Variants in SLMAP observed in about 807,000 individuals in gnomAD.
The protein encoded by SLMAP is sarcolemmal membrane-associated protein.
A neutral mutation model predicts 128.8 loss-of-function variants in SLMAP; 44 were observed. The observed-to-expected ratio is 0.34, with a 90% CI of 0.27 to 0.44. The LOEUF is 0.44. Ranked by LOEUF, SLMAP falls within the 20% of genes least tolerant of loss-of-function variation. The pLI, the probability that SLMAP is intolerant of heterozygous loss-of-function variation, is 1.00. For synonymous variants in SLMAP, 327 were observed against 348.8 expected (o/e 0.94, Z 0.70); for missense variants, 787 against 985.3 (o/e 0.80, Z 2.69).
chr3:57,793,071 C>T (rs940694526), intron 2 of SLMAP, among the ~76,000 whole-genome samples: 2 of 151,880 alleles, frequency 1.3e-5, no homozygotes, highest in Non-Finnish European at 2.9e-5. Context: ...TCCAGGAGGC[C>T]GAAGTTGCAG....
At chr3:57,865,459 G>A (rs918095140) in intron 13 of SLMAP, among the ~76,000 whole-genome samples, 167 bp downstream of exon 13, 3 of 152,062 alleles carry the variant, frequency 2.0e-5, no homozygotes, top group African/African-American at 7.2e-5. Flanking sequence ...TGTAAGAGTT[G>A]ATGCTGTGAT....
chr3:57,777,175 A>AC (rs2082120203), intron 2 of SLMAP, among the ~76,000 whole-genome samples: 1 of 152,026 alleles, frequency 6.6e-6, no homozygotes, highest in South Asian at 2.1e-4. Flanking sequence ...GGTGCAGCAC[A>AC]CCAGCAGGGC....
intron 19 of SLMAP, among the ~76,000 whole-genome samples, chr3:57,911,816 C>T (rs1201812628): frequency 6.7e-6 from 1 of 149,668 alleles, no homozygotes; most frequent in Admixed American, 6.8e-5. Flanking sequence ...GAAAAGGCCT[C>T]TTTAAAGAAT....
intron 2 of SLMAP, among the ~76,000 whole-genome samples, chr3:57,796,945 C>T (rs1245490190): frequency 1.3e-5 from 2 of 151,740 alleles, no homozygotes; most frequent in South Asian, 2.1e-4. Flanking sequence ...TTTGGGAGAC[C>T]GAGGTGAGAG....
At chr3:57,852,622 G>A (rs1236177431) in intron 6 of SLMAP, among the ~76,000 whole-genome samples, 1 of 152,194 alleles carries the variant, frequency 6.6e-6, no homozygotes, top group African/African-American at 2.4e-5. Flanking sequence ...CCATTCAATA[G>A]GAAGGCACAT....
chr3:57,872,976 C>T (rs1289933143), intron 14 of SLMAP, among the ~76,000 whole-genome samples: 4 of 152,076 alleles, frequency 2.6e-5, no homozygotes, highest in Non-Finnish European at 5.9e-5. Flanking sequence ...TGCCCCACTA[C>T]CTCAGGAGCG....
Position 57,865,247 on chromosome 3 carries a change from C to G in SLMAP, c.1192C>G (p.Gln398Glu), listed in dbSNP as rs1164569617. ...ATATACTGTCTTAATCCTAGGGATA[C>G]AAGTTGATGACTTCTTACCTAAAAT... ...TLKECSSLGI[Q>E]VDDFLPKING... Residue 398 changes from glutamine to glutamate, a missense_variant, in exon 13 of 25, where the codon CAA becomes GAA. Around this residue, in one of 2 missense-constraint regions of SLMAP, gnomAD observed 715 missense variants for 843.6 expected, o/e 0.85. Transcript: ENST00000671191. 10 of 1,491,212 alleles carry G rather than the reference C, an allele frequency of 6.7e-6. No homozygotes were observed. Among genetic ancestry groups the G allele is most frequent in the Non-Finnish European group, 9.1e-7 (1 of 1,099,806 alleles). 92.4% of individuals were successfully genotyped at this position (1,491,212 alleles called of 1,614,324 possible).
chr3:57,800,572 C>A (rs1207782038), intron 2 of SLMAP: 1 of 152,958 alleles, frequency 6.5e-6, no homozygotes. Context: ...CAGCTGACTC[C>A]AGGATCACTT....
intron 17 of SLMAP, chr3:57,898,316 G>A (rs1395757459): frequency 6.6e-6 from 1 of 152,164 alleles, no homozygotes; most frequent in Non-Finnish European, 1.5e-5. Context: ...CTGAAAGAAT[G>A]TCAGACCCTA....
intron 2 of SLMAP, among the ~76,000 whole-genome samples, chr3:57,819,853 A>C (rs1042832291): frequency 2.0e-5 from 3 of 152,166 alleles, no homozygotes; most frequent in Non-Finnish European, 4.4e-5. Flanking sequence ...CCTGGGCTCA[A>C]GTGATCCTCC....
At chr3:57,793,259 ATTCTT>A (rs1031913699) in intron 2 of SLMAP, among the ~76,000 whole-genome samples, 6 of 152,180 alleles carry the variant, frequency 3.9e-5, no homozygotes, top group African/African-American at 1.4e-4. Context: ...TTTGAGGTTA[ATTCTT>A]TTCTTCCCTG....
chr3:57,897,040 T>C, intron 17 of SLMAP, 108 bp downstream of exon 17: 1 of 1,535,830 alleles, frequency 6.5e-7, no homozygotes, highest in Non-Finnish European at 8.7e-7. Flanking sequence ...GTTAAGAGAT[T>C]AAGATAGGTT....
At chr3:57,894,007 T>C (rs762164351) in intron 15 of SLMAP, among the ~76,000 whole-genome samples, 1 of 152,234 alleles carries the variant, frequency 6.6e-6, no homozygotes, top group African/African-American at 2.4e-5. Flanking sequence ...GGTATTCTTA[T>C]ATGGAATAGC....
chr3:57,900,810 A>G (rs1312711889), intron 17 of SLMAP: 1 of 152,206 alleles, frequency 6.6e-6, no homozygotes, highest in African/African-American at 2.4e-5. Flanking sequence ...CTGTCTCAAA[A>G]ACAAAAGCAA....
intron 17 of SLMAP, among the ~76,000 whole-genome samples, chr3:57,906,493 T>C (rs1040196996): frequency 2.0e-5 from 3 of 148,450 alleles, no homozygotes; most frequent in African/African-American, 7.4e-5. Flanking sequence ...TTTTTAGTAT[T>C]TTTAGTAGAG....
At chr3:57,861,439 A>G (rs2095057065) in intron 9 of SLMAP, among the ~76,000 whole-genome samples, 1 of 152,216 alleles carries the variant, frequency 6.6e-6, no homozygotes, top group Non-Finnish European at 1.5e-5. Context: ...TAAAATGCTC[A>G]TCAGAAACTA....
At chr3:57,834,646 T>G (rs2093532343) in intron 3 of SLMAP, among the ~76,000 whole-genome samples, 1 of 152,058 alleles carries the variant, frequency 6.6e-6, no homozygotes, top group Non-Finnish European at 1.5e-5. Context: ...ATCCCTCTGT[T>G]TTTAAAAAAC....
At chr3:57,771,443 C>CTGG (rs2080878472) in intron 2 of SLMAP, among the ~76,000 whole-genome samples, 1 of 152,172 alleles carries the variant, frequency 6.6e-6, no homozygotes. Flanking sequence ...GTTGCCCAGG[C>CTGG]TGGTCTCAAA....
intron 23 of SLMAP, among the ~76,000 whole-genome samples, chr3:57,925,217 A>G (rs2096984003): frequency 6.6e-6 from 1 of 151,892 alleles, no homozygotes; most frequent in Admixed American, 6.6e-5. Flanking sequence ...AGCTTGCCAA[A>G]GTGCTGGGAT....
Sources: gnomAD v4.1 joint callset for allele counts (sites outside exome capture counted in the v4.1 genomes callset) on GRCh38, gnomAD v4.1.1 for gene constraint, gnomAD v4.1.1 regional missense constraint, MANE v1.5 for transcripts, NCBI Gene and HGNC (gene_info 2026-07-23, HGNC 2026-07-21) for gene names.